Variants in FBN2 observed in about 807,000 individuals in gnomAD.
The protein encoded by FBN2 is fibrillin 2.
In FBN2, 105 loss-of-function variants were observed where a neutral mutation model predicts 355.6. That is an observed-to-expected ratio of 0.30 (90% CI 0.25 to 0.35). The LOEUF (loss-of-function observed/expected upper bound fraction) is 0.35, where lower values mean the gene tolerates loss of function less well. Among genes scored for constraint, FBN2 ranks in the 10% least tolerant of loss-of-function variants. The pLI, the probability that FBN2 is intolerant of heterozygous loss-of-function variation, is 1.00. For synonymous variants in FBN2, 1,350 were observed against 1,301.2 expected (o/e 1.04, Z -0.81); for missense variants, 3,280 against 3,758.7 (o/e 0.87, Z 3.33).
intron 30 of FBN2, 38 bp downstream of exon 30, chr5:128,335,128 CATGT>C (rs753795370): frequency 8.7e-6 from 14 of 1,612,398 alleles, no homozygotes; most frequent in Non-Finnish European, 1.0e-5. Flanking sequence ...GGTGTGTGTG[CATGT>C]GTGTGTATAA....
chr5:128,509,936 T>G (rs564429087), intron 5 of FBN2, among the ~76,000 whole-genome samples: 86 of 152,328 alleles, frequency 5.6e-4, no homozygotes, highest in Non-Finnish European at 9.8e-4. Context: ...CTTTCACTCC[T>G]TTCAAGCAGT....
chr5:128,288,334 A>G (rs955921045), intron 53 of FBN2, 104 bp downstream of exon 53: 11 of 1,377,624 alleles, frequency 8.0e-6, no homozygotes, highest in Non-Finnish European at 1.0e-5. Flanking sequence ...ACCCCACCGT[A>G]TGCTCACCAG....
At chr5:128,292,070 CAAGCAG>C (rs1749339385) in intron 48 of FBN2, among the ~76,000 whole-genome samples, 1 of 152,130 alleles carries the variant, frequency 6.6e-6, no homozygotes, top group South Asian at 2.1e-4. Flanking sequence ...ACTCCACATG[CAAGCAG>C]AATGTGGCAG....
rs1410576124 is a variant in FBN2, at chr5:128,280,114, T to C, written c.7138+78A>G. The C allele has an allele frequency of 4.3e-6, 5 of 1,167,696 alleles. No individual in the cohort carries two copies. In the Admixed American group the frequency reaches 5.1e-5, roughly 12 times the overall value. The allele number at this position is 1,167,696 out of a possible 1,614,324, so 72.3% of individuals were successfully genotyped here. ...GATTTGTTTAGCAGACAAGAATATA[T>C]ATGTGGAGCTCTTCTGTGATGACAT... On this transcript the variant is annotated intron_variant, in intron 56 of 64. Transcript: ENST00000262464.
At chr5:128,487,593 T>C (rs1275063367) in intron 5 of FBN2, among the ~76,000 whole-genome samples, 2 of 152,190 alleles carry the variant, frequency 1.3e-5, no homozygotes, top group Admixed American at 1.3e-4. Context: ...GAAAGGATTT[T>C]AAATGTGGTT....
chr5:128,405,440 A>C (rs1752900950), intron 8 of FBN2, among the ~76,000 whole-genome samples: 1 of 152,116 alleles, frequency 6.6e-6, no homozygotes, highest in Non-Finnish European at 1.5e-5. Context: ...GGACTTTATA[A>C]CATAAGGAGG....
chr5:128,457,740 G>C (rs1007511687), intron 6 of FBN2, among the ~76,000 whole-genome samples: 4 of 150,940 alleles, frequency 2.7e-5, no homozygotes, highest in African/African-American at 9.7e-5. Context: ...ATATTTTCCA[G>C]AAAAGCAAAT....
At chr5:128,427,349 T>C (rs1293971387) in intron 7 of FBN2, among the ~76,000 whole-genome samples, 1 of 150,568 alleles carries the variant, frequency 6.6e-6, no homozygotes, top group African/African-American at 2.4e-5. Flanking sequence ...ATAATGAGAT[T>C]TTTGTTCTCT....
intron 25 of FBN2, among the ~76,000 whole-genome samples, chr5:128,340,558 G>A (rs1379828773): frequency 6.6e-6 from 1 of 152,116 alleles, no homozygotes; most frequent in Non-Finnish European, 1.5e-5. Flanking sequence ...TTCTAGGGTG[G>A]AGCAGGGACA....
At chr5:128,412,503 A>C (rs1328871310) in intron 7 of FBN2, among the ~76,000 whole-genome samples, 1 of 152,164 alleles carries the variant, frequency 6.6e-6, no homozygotes, top group East Asian at 1.9e-4. Flanking sequence ...AAATGTTCTG[A>C]TTGGCATAGG....
rs922881683 is a variant in FBN2, at chr5:128,380,819, T to C, written c.1604-1929A>G. 5.3e-5 allele frequency among the ~76,000 whole-genome samples: 8 copies of C among 152,082 alleles called. No individual in the cohort carries two copies. In the East Asian group the frequency reaches 9.6e-4, roughly 18 times the overall value. Reference sequence around the variant, plus strand: ...ACAGTCCTGGACCTCCAAGAGACCATGTTCGTTTTGTCTTGTTTACAGGAA... The same window carrying C: ...ACAGTCCTGGACCTCCAAGAGACCACGTTCGTTTTGTCTTGTTTACAGGAA... On this transcript the variant is annotated intron_variant, in intron 11 of 64. Coordinates refer to ENST00000262464, the MANE Select transcript of FBN2 (RefSeq NM_001999.4).
In FBN2 at chr5:128,374,907, T is replaced by C. The variant is rs73345265; in HGVS notation, c.1973-157A>G. ...TGTGGTAACAGGTATCATATACAAA[T>C]GCAATCCTTTCAACACATTTCAGAA... On this transcript the variant is annotated intron_variant, in intron 14 of 64. Transcript: ENST00000262464. Among the ~76,000 whole-genome samples the C allele has an allele frequency of 6.4e-3, 977 of 152,336 alleles. 11 individuals carry two copies. Among genetic ancestry groups the C allele is most frequent in the African/African-American group, 0.022 (901 of 41,582 alleles).
chr5:128,297,706 C>A (rs954155602), intron 48 of FBN2, among the ~76,000 whole-genome samples: 15 of 152,226 alleles, frequency 9.9e-5, no homozygotes, highest in African/African-American at 3.6e-4. Flanking sequence ...TTCCTCCATC[C>A]TTTTATTTTG....
At chr5:128,328,440 G>T (rs1026308322) in intron 34 of FBN2, 7 of 608,082 alleles carry the variant, frequency 1.2e-5, no homozygotes, top group Non-Finnish European at 2.0e-5. Context: ...AAGAAGAGAA[G>T]AAATGGTTAA....
rs754353840 is a variant in FBN2 at position 128,259,821 on chromosome 5, C to T, written c.8373G>A (p.Gln2791=). ...CCATGTCGACACTCTCTAGGCTGAT[C>T]TGTTCAACCTGGAGGAAGAACAGGA... is the stretch of plus-strand genomic sequence containing the variant. ...IHEPDPTAVE[Q]ISLESVDMDS... is the part of the protein sequence containing the mutation. Residue 2791 remains glutamine (Q), a synonymous_variant, in exon 65 of 65, where the codon CAG becomes CAA. Transcript: ENST00000262464. 2 of 1,613,552 alleles carry T rather than the reference C, an allele frequency of 1.2e-6. No individual in the cohort carries two copies. The highest frequency in any genetic ancestry group is 1.7e-6 in the Non-Finnish European group (2 of 1,179,940).
chr5:128,317,686 C>A (rs1750245104), intron 36 of FBN2, among the ~76,000 whole-genome samples: 1 of 152,178 alleles, frequency 6.6e-6, no homozygotes, highest in Non-Finnish European at 1.5e-5. Flanking sequence ...ATTACGGCCT[C>A]CTCCTCCTCC....
intron 62 of FBN2, among the ~76,000 whole-genome samples, chr5:128,270,995 AGT>A (rs1463814623): frequency 3.9e-5 from 6 of 152,076 alleles, no homozygotes; most frequent in African/African-American, 1.4e-4. Context: ...CACTCCTATG[AGT>A]GTATATTCGT....
At chr5:128,314,102 C>T (rs1054489705) in intron 36 of FBN2, among the ~76,000 whole-genome samples, 1 of 152,066 alleles carries the variant, frequency 6.6e-6, no homozygotes, top group Non-Finnish European at 1.5e-5. Flanking sequence ...AGGCAACCTC[C>T]AATGGCTTCT....
intron 7 of FBN2, among the ~76,000 whole-genome samples, chr5:128,415,841 C>T (rs1409873124): frequency 6.6e-6 from 1 of 152,132 alleles, no homozygotes; most frequent in Non-Finnish European, 1.5e-5. Flanking sequence ...GTTCCCTTTT[C>T]TCCACATCCT....
Sources: allele counts gnomAD v4.1 joint callset (sites outside exome capture counted in the v4.1 genomes callset), GRCh38; gene constraint gnomAD v4.1.1; transcripts MANE v1.5; gene names NCBI Gene and HGNC (gene_info 2026-07-23, HGNC 2026-07-21).